SLC2A9: variants seen among roughly 807,000 people sequenced by gnomAD.
The protein encoded by SLC2A9 is solute carrier family 2, facilitated glucose transporter member 9.
A neutral mutation model predicts 50.6 loss-of-function variants in SLC2A9; 39 were observed. The ratio of observed to expected loss-of-function variants is 0.77; its 90% CI spans 0.60 to 1.01. The LOEUF (loss-of-function observed/expected upper bound fraction) is 1.01. Ranked by LOEUF, SLC2A9 falls within the 50% of genes least tolerant of loss-of-function variation. The probability of loss-of-function intolerance (pLI) is 0.00; values close to 1 mark genes in which losing one functional copy is unlikely to be tolerated. For missense variants in SLC2A9, 686 were observed against 677.6 expected (o/e 1.01, Z -0.14); for synonymous variants, 324 against 276.9 (o/e 1.17, Z -1.69).
intron 5 of SLC2A9, among the ~76,000 whole-genome samples, chr4:9,951,122 T>C (rs1750173206): frequency 6.6e-6 from 1 of 152,098 alleles, no homozygotes; most frequent in South Asian, 2.1e-4. Context: ...TAAAGAAACT[T>C]TGGTATATAT....
intron 7 of SLC2A9, among the ~76,000 whole-genome samples, chr4:9,914,268 C>T (rs1418114956): frequency 1.3e-5 from 2 of 152,204 alleles, no homozygotes; most frequent in African/African-American, 4.8e-5. Context: ...GGATGAATCA[C>T]TACCGGCAGC....
chr4:9,998,108 C>T (rs1578255619), intron 2 of SLC2A9, among the ~76,000 whole-genome samples: 1 of 152,338 alleles, frequency 6.6e-6, no homozygotes, highest in South Asian at 2.1e-4. Context: ...AGAGTCTCAT[C>T]GCTGCCAATT....
At chr4:9,926,165 T>C (rs908788530) in intron 6 of SLC2A9, among the ~76,000 whole-genome samples, 1 of 152,030 alleles carries the variant, frequency 6.6e-6, no homozygotes, top group African/African-American at 2.4e-5. Context: ...TAAGGGACGT[T>C]GTGGTACAGT....
intron 2 of SLC2A9, among the ~76,000 whole-genome samples, chr4:10,014,810 C>T (rs1228559991): frequency 6.6e-6 from 1 of 152,192 alleles, no homozygotes; most frequent in African/African-American, 2.4e-5. Context: ...GCAAGGTCAA[C>T]ACCCAGGGAA....
chr4:9,775,634 C>G (rs1254022474), downstream of SLC2A9, among the ~76,000 whole-genome samples: 1 of 151,904 alleles, frequency 6.6e-6, no homozygotes, highest in Non-Finnish European at 1.5e-5. Flanking sequence ...GCATGTCCCT[C>G]CCCACACCCA....
chr4:9,842,185 G>T (rs1031099869), intron 10 of SLC2A9, among the ~76,000 whole-genome samples: 7 of 152,046 alleles, frequency 4.6e-5, no homozygotes, highest in South Asian at 2.1e-4. Context: ...CAGGAGGAAG[G>T]TTCTGTAACA....
intron 6 of SLC2A9, among the ~76,000 whole-genome samples, chr4:9,932,124 T>C (rs1746261438): frequency 6.6e-6 from 1 of 150,792 alleles, no homozygotes; most frequent in Admixed American, 6.6e-5. Flanking sequence ...CTTGTAAAAA[T>C]GGCACTCTCT....
intron 2 of SLC2A9, among the ~76,000 whole-genome samples, chr4:10,000,452 C>T (rs1339298989): frequency 2.0e-5 from 3 of 152,190 alleles, no homozygotes. Flanking sequence ...TGCAAATTTA[C>T]AGGAGTGGTG....
intron 3 of SLC2A9, among the ~76,000 whole-genome samples, chr4:9,802,915 C>A (rs537804847): frequency 6.6e-6 from 1 of 152,188 alleles, no homozygotes; most frequent in African/African-American, 2.4e-5. Flanking sequence ...CCCAATTGTA[C>A]TCTATCACAG....
intron 7 of SLC2A9, among the ~76,000 whole-genome samples, chr4:9,919,109 C>T (rs1251341634): frequency 6.6e-6 from 1 of 152,152 alleles, no homozygotes; most frequent in African/African-American, 2.4e-5. Flanking sequence ...GTCTTTAAGG[C>T]TTCAGGTGTT....
chr4:9,945,772 C>T (rs201884586), intron 5 of SLC2A9, among the ~76,000 whole-genome samples: 6 of 152,144 alleles, frequency 3.9e-5, no homozygotes, highest in African/African-American at 9.7e-5. Flanking sequence ...GGTCCCAACA[C>T]AGAGCTGAGG....
intron 3 of SLC2A9, among the ~76,000 whole-genome samples, chr4:9,811,701 A>G (rs932877408): frequency 2.0e-5 from 3 of 152,176 alleles, no homozygotes; most frequent in Non-Finnish European, 4.4e-5. Context: ...ACAGAATTGT[A>G]AGGAAAGAAA....
chr4:9,907,251 C>T (rs1740851434), intron 8 of SLC2A9, among the ~76,000 whole-genome samples: 1 of 152,242 alleles, frequency 6.6e-6, no homozygotes, highest in Non-Finnish European at 1.5e-5. Flanking sequence ...AAAGAAGAGA[C>T]ACAAGCATTT....
chr4:9,772,814 T>C (rs1446202959), intron 1 of SLC2A9, among the ~76,000 whole-genome samples: 1 of 78,050 alleles, frequency 1.3e-5, no homozygotes, highest in East Asian at 3.0e-4. Flanking sequence ...TGCCATTTTA[T>C]TTTTTTTTTT....
At chr4:9,949,659 C>T (rs942512646) in intron 5 of SLC2A9, among the ~76,000 whole-genome samples, 1 of 152,122 alleles carries the variant, frequency 6.6e-6, no homozygotes, top group African/African-American at 2.4e-5. Context: ...AGCACTGCTG[C>T]CTTGCCACCT....
chr4:10,025,885 GA>G (rs61256984), upstream of SLC2A9: 418,293 of 1,476,280 alleles, frequency 0.28, 57,023 homozygotes, highest in African/African-American at 0.52. Context: ...AAGGGAGACA[GA>G]AAAAAAAAAG....
At chr4:9,946,020 A>G (rs534169673) in intron 5 of SLC2A9, among the ~76,000 whole-genome samples, 7 of 152,308 alleles carry the variant, frequency 4.6e-5, no homozygotes, top group Admixed American at 3.3e-4. Flanking sequence ...CTCGCCTGAC[A>G]CAAGACCATG....
intron 5 of SLC2A9, among the ~76,000 whole-genome samples, chr4:9,973,671 T>G (rs1450080805): frequency 8.4e-6 from 1 of 118,428 alleles, no homozygotes; most frequent in African/African-American, 3.3e-5. Flanking sequence ...TGAGAACACA[T>G]GGACACAGGA....
chr4:9,775,954 G>T (rs867390436), downstream of SLC2A9, among the ~76,000 whole-genome samples: 5 of 152,162 alleles, frequency 3.3e-5, no homozygotes, highest in African/African-American at 1.2e-4. Context: ...CGGGGGAAGA[G>T]CTCAGGGTCC....
Sources: allele counts gnomAD v4.1 joint callset (sites outside exome capture counted in the v4.1 genomes callset), GRCh38; gene constraint gnomAD v4.1.1; transcripts MANE v1.5; gene names NCBI Gene and HGNC (gene_info 2026-07-23, HGNC 2026-07-21).